GABBR2: variants seen among roughly 807,000 people sequenced by gnomAD.
The protein encoded by GABBR2 is G-protein coupled receptor 51.
In GABBR2, 23 loss-of-function variants were observed where a neutral mutation model predicts 105.6. The ratio of observed to expected loss-of-function variants is 0.22; its 90% CI spans 0.16 to 0.31. The LOEUF is 0.31. Ranked by LOEUF, GABBR2 falls within the 10% of genes least tolerant of loss-of-function variation. GABBR2 has a pLI of 1.00. For missense variants in GABBR2, 734 were observed against 1,245.5 expected, an observed-to-expected ratio of 0.59 and a Z score of 6.18; for synonymous variants, 478 against 499.7, an observed-to-expected ratio of 0.96 and a Z score of 0.58.
rs5899341 is a variant in GABBR2, at chr9:98,410,505, C to CTTTT, written c.1237-4368_1237-4365dup. On this transcript the variant is annotated intron_variant, in intron 7 of 18. Transcript: ENST00000259455. The stretch of plus-strand genomic sequence containing the variant: ...CGCATAAGCATGCATGAGGGAAAAG[C>CTTTT]TTTTTTTTTTTTTTTTTTTCTTCCT... Among the ~76,000 whole-genome samples the CTTTT allele has an allele frequency of 6.2e-4, 79 of 126,484 alleles. No individual in the cohort carries two copies. In the East Asian group the frequency reaches 6.3e-3, roughly 10 times the overall value. 83.0% of individuals were successfully genotyped at this position (126,484 alleles called of 152,430 possible).
intron 1 of GABBR2, among the ~76,000 whole-genome samples, chr9:98,691,476 G>C (rs752746098): frequency 6.6e-6 from 1 of 152,178 alleles, no homozygotes. Flanking sequence ...CCAGCTCTCC[G>C]TTGACTGGGG....
intron 7 of GABBR2, among the ~76,000 whole-genome samples, chr9:98,434,465 GAGA>G (rs1362775920): frequency 6.6e-6 from 1 of 152,168 alleles, no homozygotes; most frequent in Non-Finnish European, 1.5e-5. Context: ...CTCTGAAGGG[GAGA>G]AGAAGGAAGC....
chr9:98,403,040 A>C (rs2131524425), intron 8 of GABBR2, among the ~76,000 whole-genome samples: 1 of 152,254 alleles, frequency 6.6e-6, no homozygotes, highest in South Asian at 2.1e-4. Flanking sequence ...TCACGCCTGT[A>C]ATCTCAGCAC....
chr9:98,567,690 C>T (rs965277431), intron 2 of GABBR2, among the ~76,000 whole-genome samples: 1 of 152,176 alleles, frequency 6.6e-6, no homozygotes, highest in South Asian at 2.1e-4. Context: ...CTCTCAATAG[C>T]CCCAGAAGGG....
intron 1 of GABBR2, chr9:98,607,189 A>G (rs1829438317): frequency 1.3e-6 from 2 of 1,598,682 alleles, no homozygotes; most frequent in African/African-American, 1.3e-5. Context: ...TTGGAGATGC[A>G]GTGGATAATA....
At chr9:98,622,447 T>C (rs562203011) in intron 1 of GABBR2, among the ~76,000 whole-genome samples, 34 of 152,300 alleles carry the variant, frequency 2.2e-4, no homozygotes, top group African/African-American at 8.2e-4. Flanking sequence ...GCCCATATTT[T>C]ATAACTACCA....
chr9:98,371,051 T>TATG (rs769782740), intron 12 of GABBR2, among the ~76,000 whole-genome samples: 26 of 152,166 alleles, frequency 1.7e-4, no homozygotes, highest in Non-Finnish European at 1.2e-4. Flanking sequence ...CCACAAGCCC[T>TATG]ATGCCCCAGC....
At position 98,543,841 on chromosome 9, in the gene GABBR2, G is replaced by C. The variant is rs908591469; in HGVS notation, c.460-1798C>G. ...TCTCCCAGTTTGTACTTTGTTTCTT[G>C]ATGTTGTTTATAGTGCCGTTTCCAG... is the stretch of plus-strand genomic sequence containing the variant. On this transcript the variant is annotated intron_variant, in intron 2 of 18. Transcript: ENST00000259455. Among the ~76,000 whole-genome samples the C allele has an allele frequency of 3.3e-5, 5 of 151,744 alleles. No homozygotes were observed. In the South Asian group the frequency reaches 1.0e-3, roughly 32 times the overall value.
rs1001705295 is a variant in GABBR2, at chr9:98,388,669, G to A, written c.1529+185C>T. 3.1e-4 allele frequency among the ~76,000 whole-genome samples: 46 copies of A among 146,756 alleles called. No individual in the cohort carries two copies. The highest frequency in any genetic ancestry group is 1.0e-3 in the African/African-American group (40 of 39,986). On this transcript the variant is annotated intron_variant, in intron 10 of 18. Transcript: ENST00000259455. This position sits in a 1 kb window ranked among gnomAD's most constrained non-coding sequence, Gnocchi z 4.4. ...TGTGTGTGTGTGTGTGTGCGTGCAC[G>A]CACACACACGTACTCACATGCATGT...
intron 7 of GABBR2, among the ~76,000 whole-genome samples, chr9:98,434,042 G>C (rs944954410): frequency 9.2e-5 from 14 of 152,298 alleles, no homozygotes; most frequent in South Asian, 4.1e-4. Flanking sequence ...GGCTGGGAAA[G>C]GTGGGTCCAC....
intron 1 of GABBR2, among the ~76,000 whole-genome samples, chr9:98,586,311 G>GT (rs899759318): frequency 2.1e-4 from 19 of 90,136 alleles, no homozygotes; most frequent in Non-Finnish European, 4.0e-4. Flanking sequence ...TTGTTTGTTT[G>GT]TTTTTTTAGA....
intron 8 of GABBR2, among the ~76,000 whole-genome samples, chr9:98,405,608 C>T (rs1832476472): frequency 6.6e-6 from 1 of 152,150 alleles, no homozygotes; most frequent in Non-Finnish European, 1.5e-5. Flanking sequence ...CTTGAGGATT[C>T]CAAAATCCCC....
At chr9:98,431,664 G>A (rs1382025002) in intron 7 of GABBR2, among the ~76,000 whole-genome samples, 2 of 151,790 alleles carry the variant, frequency 1.3e-5, no homozygotes, top group African/African-American at 2.4e-5. Flanking sequence ...GCAGTGGGGA[G>A]CCATGGAAGG....
At chr9:98,345,381 A>C (rs1416899790) in intron 13 of GABBR2, among the ~76,000 whole-genome samples, 1 of 152,236 alleles carries the variant, frequency 6.6e-6, no homozygotes. Context: ...TGCCTGAGTC[A>C]TCATTCGACC....
chr9:98,381,464 G>A (rs1283800912), intron 11 of GABBR2, among the ~76,000 whole-genome samples: 11 of 152,198 alleles, frequency 7.2e-5, no homozygotes, highest in Non-Finnish European at 1.5e-4. Context: ...TGGAATAGCA[G>A]GTGGAATACA....
rs142954909 is a variant in GABBR2, at chr9:98,521,873, C to T, written c.630+20000G>A. On this transcript the variant is annotated intron_variant, in intron 3 of 18. Transcript: ENST00000259455. The stretch of plus-strand genomic sequence containing the variant: ...TGGAACCTATGAAAACTTTCTGAAA[C>T]ATAAAGGAAACAAACAAGGAATTCA... 3.3e-5 allele frequency among the ~76,000 whole-genome samples: 5 copies of T among 152,072 alleles called. No homozygotes were observed. The East Asian group carries it at 7.7e-4, about 23-fold the overall frequency.
chr9:98,292,815 G>T (rs568827431), intron 18 of GABBR2, among the ~76,000 whole-genome samples: 1 of 152,338 alleles, frequency 6.6e-6, no homozygotes, highest in Admixed American at 6.5e-5. Flanking sequence ...TTCAACAAAT[G>T]CTTGTCAAGA....
intron 1 of GABBR2, among the ~76,000 whole-genome samples, chr9:98,676,270 C>A (rs569467685): frequency 6.6e-6 from 1 of 152,224 alleles, no homozygotes; most frequent in Non-Finnish European, 1.5e-5. Context: ...GAAATGAATT[C>A]TCCCTTCAGA....
chr9:98,584,593 C>T (rs1829044124), intron 1 of GABBR2, among the ~76,000 whole-genome samples: 1 of 152,106 alleles, frequency 6.6e-6, no homozygotes. Context: ...AAAAGTGAGG[C>T]TCCAGATGAA....
Sources: allele counts gnomAD v4.1 joint callset (sites outside exome capture counted in the v4.1 genomes callset), GRCh38; gene constraint gnomAD v4.1.1; non-coding constraint Gnocchi (gnomAD v3.1); transcripts MANE v1.5; gene names NCBI Gene and HGNC (gene_info 2026-07-23, HGNC 2026-07-21).